The following FBXL4 variants were observed in gnomAD, a reference collection of about 807,000 sequenced individuals.
The protein encoded by FBXL4 is F-box/LRR-repeat protein 4.
FBXL4 carries 40 observed loss-of-function variants against 58.9 expected under a neutral mutation model. That is an observed-to-expected ratio of 0.68 (90% confidence interval 0.53 to 0.88). The LOEUF (loss-of-function observed/expected upper bound fraction) is 0.88, where lower values mean the gene tolerates loss of function less well. Among genes scored for constraint, FBXL4 ranks in the 40% least tolerant of loss-of-function variants. FBXL4 has a pLI of 0.00. For missense variants in FBXL4, 676 were observed against 734.4 expected (o/e 0.92, Z 0.92); for synonymous variants, 263 against 265.5 (o/e 0.99, Z 0.09).
chr6:98,882,522 T>C (rs1770889387), intron 7 of FBXL4, among the ~76,000 whole-genome samples: 1 of 152,050 alleles, frequency 6.6e-6, no homozygotes. Flanking sequence ...TGAAACTTGT[T>C]TGGTAATTTA....
At chr6:98,932,595 A>G (rs1360226933) in intron 2 of FBXL4, among the ~76,000 whole-genome samples, 2 of 152,216 alleles carry the variant, frequency 1.3e-5, no homozygotes, top group Non-Finnish European at 2.9e-5. Flanking sequence ...GCAGGATGGC[A>G]GGAGCTGCCG....
At position 98,926,856 on chromosome 6, in the gene FBXL4, A is replaced by G; in HGVS notation, c.133T>C (p.Ser45Pro). Reference protein sequence around the residue: ...HRAIESNSQTSPLNAEVVQYA... With the variant: ...HRAIESNSQTPPLNAEVVQYA... ...TGGACTACCTCTGCATTGAGAGGGG[A>G]AGTCTGGCTGTTTGATTCTATAGCT... Residue 45 changes from serine (S) to proline (P), a missense_variant, in exon 4 of 10, where the codon TCC (serine) becomes CCC (proline). Ser to Pro is a moderately conservative substitution (Grantham distance 74). Coordinates refer to ENST00000369244, the MANE Select transcript of FBXL4 (RefSeq NM_001278716.2). 1 of 1,614,174 alleles carries G rather than the reference A, an allele frequency of 6.2e-7. No homozygotes were observed. Among genetic ancestry groups the G allele is most frequent in the Non-Finnish European group, 8.5e-7 (1 of 1,180,030 alleles).
chr6:98,875,500 A>C lies in FBXL4; in HGVS notation c.1617T>G (p.Phe539Leu), dbSNP rs747337638. 1 of 1,614,148 alleles carries C rather than the reference A, an allele frequency of 6.2e-7. No individual in the cohort carries two copies. Among genetic ancestry groups the C allele is most frequent in the South Asian group, 1.1e-5 (1 of 91,088 alleles). The change falls in exon 9 of 10, where the codon TTT becomes TTG. Residue 539 changes from phenylalanine to leucine, a missense_variant. Transcript: ENST00000369244. The part of the protein sequence containing the change: ...AHQLPNLQKL[F>L]LTANRSVCDT... ...CACACACAGATCTATTAGCTGTAAG[A>C]AAGAGTTTTTGCAAGTTTGGGAGCT...
intron 1 of FBXL4, among the ~76,000 whole-genome samples, chr6:98,947,231 T>A (rs1773654747): frequency 6.6e-6 from 1 of 152,258 alleles, no homozygotes; most frequent in South Asian, 2.1e-4. Context: ...CCACCCGTTA[T>A]AAATATGTCG....
chr6:98,889,145 T>C (rs1246818869), intron 7 of FBXL4, among the ~76,000 whole-genome samples: 1 of 152,202 alleles, frequency 6.6e-6, no homozygotes, highest in Non-Finnish European at 1.5e-5. Flanking sequence ...AAGTTCAACG[T>C]GAACAGTTTT....
chr6:98,943,579 C>CAA lies in FBXL4; in HGVS notation c.-309+4225_-309+4226dup, dbSNP rs59697294. Among the ~76,000 whole-genome samples the CAA allele has an allele frequency of 3.2e-3, 249 of 76,652 alleles. 11 individuals are homozygous for CAA. The highest frequency in any genetic ancestry group is 9.4e-3 in the African/African-American group (169 of 17,948). 50.3% of individuals were successfully genotyped at this position (76,652 alleles called of 152,430 possible). ...TGGGTGACAGAGCAAGACTCTGTCT[C>CAA]AAAAAAAAAAAAAAAAAAAAAGAAG... On this transcript the variant is annotated intron_variant, in intron 1 of 9. Transcript: ENST00000369244.
intron 7 of FBXL4, among the ~76,000 whole-genome samples, chr6:98,894,755 T>C (rs1022179544): frequency 1.3e-5 from 2 of 152,244 alleles, no homozygotes; most frequent in African/African-American, 4.8e-5. Context: ...ATAGCTTAGT[T>C]AGTGAATTTT....
chr6:98,924,740 T>TA (rs1314817335), intron 4 of FBXL4, among the ~76,000 whole-genome samples: 1 of 152,230 alleles, frequency 6.6e-6, no homozygotes, highest in Non-Finnish European at 1.5e-5. Flanking sequence ...AGTTGAGCTG[T>TA]ACTCTGTATG....
chr6:98,897,421 G>A, intron 7 of FBXL4: 1 of 865,490 alleles, frequency 1.2e-6, no homozygotes, highest in Non-Finnish European at 1.4e-6. Flanking sequence ...CTGGAAATCT[G>A]AGACAATGTC....
At chr6:98,899,047 T>G in intron 7 of FBXL4, 1 of 985,320 alleles carries the variant, frequency 1.0e-6, no homozygotes, top group Non-Finnish European at 1.2e-6. Flanking sequence ...TCACAAAAAT[T>G]TTAAGAGCAT....
chr6:98,937,959 C>T (rs1426847898), intron 1 of FBXL4, among the ~76,000 whole-genome samples: 1 of 151,760 alleles, frequency 6.6e-6, no homozygotes, highest in Non-Finnish European at 1.5e-5. Flanking sequence ...TTTCTGTTAA[C>T]TCCTTTGGTG....
chr6:98,902,573 A>G (rs1771654746), intron 6 of FBXL4, among the ~76,000 whole-genome samples: 1 of 152,148 alleles, frequency 6.6e-6, no homozygotes, highest in African/African-American at 2.4e-5. Flanking sequence ...AACGCATCCA[A>G]GAATGTTTCC....
rs539897951 is a variant in FBXL4 at position 98,903,645 on chromosome 6, T to A, written c.1103+1781A>T. On this transcript the variant is annotated intron_variant, in intron 6 of 9. Coordinates refer to ENST00000369244, the MANE Select transcript of FBXL4 (RefSeq NM_001278716.2). Reference sequence around the variant, plus strand: ...ATTTTTTAAATGGCATGGCTAAGTTTTCTTCTTATAAGTGATGTTTCTTCT... The same window carrying A: ...ATTTTTTAAATGGCATGGCTAAGTTATCTTCTTATAAGTGATGTTTCTTCT... Among the ~76,000 whole-genome samples the A allele has an allele frequency of 2.6e-5, 4 of 152,258 alleles. No individual in the cohort carries two copies. In the East Asian group the frequency reaches 7.7e-4, roughly 29 times the overall value.
intron 7 of FBXL4, among the ~76,000 whole-genome samples, chr6:98,885,039 G>A (rs1217645101): frequency 6.6e-6 from 1 of 152,152 alleles, no homozygotes; most frequent in Non-Finnish European, 1.5e-5. Flanking sequence ...CATTTATGAT[G>A]GTTAATTTTA....
chr6:98,873,146 T>A lies in FBXL4; in HGVS notation c.*1132A>T, dbSNP rs1026385046. 5.3e-5 allele frequency: 8 copies of A among 150,698 alleles called. No individual in the cohort carries two copies. The highest frequency in any genetic ancestry group is 1.9e-4 in the African/African-American group (8 of 41,194). The allele number at this position is 150,698 out of a possible 1,614,324, so 9.3% of individuals were successfully genotyped here. A position where few individuals can be genotyped will look rare whatever the true frequency, so the allele number is the denominator to read the frequency against. ...TAACAAAATTCATTGTCCTGTTAAG[T>A]GCAAAATCGTTATATTCCAGCATCC... On this transcript the variant is annotated 3_prime_UTR_variant, in exon 10 of 10. Coordinates refer to ENST00000369244, the MANE Select transcript of FBXL4 (RefSeq NM_001278716.2).
chr6:98,901,769 G>C (rs1206323740), intron 6 of FBXL4, among the ~76,000 whole-genome samples: 1 of 152,088 alleles, frequency 6.6e-6, no homozygotes, highest in Non-Finnish European at 1.5e-5. Flanking sequence ...TTCTCATGCA[G>C]GTTTTACTTT....
At chr6:98,912,934 C>T (rs559067322) in intron 5 of FBXL4, among the ~76,000 whole-genome samples, 1 of 151,794 alleles carries the variant, frequency 6.6e-6, no homozygotes, top group East Asian at 1.9e-4. Flanking sequence ...GGAAACCCAT[C>T]TCACGTGCAG....
In FBXL4 at chr6:98,920,819, T is replaced by TACACACACACACACAC. The variant is rs10633715; in HGVS notation, c.513-3116_513-3101dup. 2.8e-5 allele frequency among the ~76,000 whole-genome samples: 4 copies of TACACACACACACACAC among 144,840 alleles called. 1 individual carries two copies. The highest frequency in any genetic ancestry group is 4.6e-5 in the Non-Finnish European group (3 of 65,116). Reference sequence around the variant, plus strand: ...ACATGTACATATGGGTACACACACATACACACACACACACACACACACACA... The same window carrying TACACACACACACACAC: ...ACATGTACATATGGGTACACACACATACACACACACACACACACACACACACACACACACACACACA... On this transcript the variant is annotated intron_variant, in intron 4 of 9. Coordinates refer to ENST00000369244, the MANE Select transcript of FBXL4 (RefSeq NM_001278716.2).
chr6:98,918,205 CATT>C (rs1315549049), intron 4 of FBXL4, among the ~76,000 whole-genome samples: 3 of 152,100 alleles, frequency 2.0e-5, no homozygotes, highest in Admixed American at 1.3e-4. Context: ...TTTATCAAAT[CATT>C]GTTTCATCAA....
Sources: allele counts gnomAD v4.1 joint callset (sites outside exome capture counted in the v4.1 genomes callset), GRCh38; gene constraint gnomAD v4.1.1; transcripts MANE v1.5; gene names NCBI Gene and HGNC (gene_info 2026-07-23, HGNC 2026-07-21).